The following CAPS2 variants were observed in gnomAD, a reference collection of about 807,000 sequenced individuals.
The protein encoded by CAPS2 is calcyphosin-2.
A neutral mutation model predicts 86.5 loss-of-function variants in CAPS2; 98 were observed. That is an observed-to-expected ratio of 1.13 (90% CI 0.96 to 1.34). CAPS2 has a LOEUF of 1.34. Ranked by LOEUF, CAPS2 falls within the 40% of genes most tolerant of loss-of-function variation. CAPS2 has a pLI of 0.00. For synonymous variants in CAPS2, 210 were observed against 225.1 expected (o/e 0.93, Z 0.60); for missense variants, 729 against 686.8 (o/e 1.06, Z -0.69).
At chr12:75,341,566 C>A (rs2042112684) in intron 1 of CAPS2, among the ~76,000 whole-genome samples, 1 of 151,952 alleles carries the variant, frequency 6.6e-6, no homozygotes. Context: ...CCTGCCTCAG[C>A]CTCCGGAGTA....
chr12:75,337,008 A>G (rs2041780075), intron 1 of CAPS2, among the ~76,000 whole-genome samples: 1 of 151,852 alleles, frequency 6.6e-6, no homozygotes, highest in Non-Finnish European at 1.5e-5. Context: ...TAAATGGTCC[A>G]TAAGTTAAAG....
At chr12:75,382,369 G>A (rs2045044882) in intron 1 of CAPS2, among the ~76,000 whole-genome samples, 1 of 152,142 alleles carries the variant, frequency 6.6e-6, no homozygotes, top group Non-Finnish European at 1.5e-5. Flanking sequence ...ACCAGGCATG[G>A]TGGCTCACGC....
intron 4 of CAPS2, among the ~76,000 whole-genome samples, chr12:75,322,281 G>A (rs190293283): frequency 6.6e-5 from 10 of 152,138 alleles, no homozygotes; most frequent in Admixed American, 5.9e-4. Context: ...GTGGATAAGA[G>A]AAACCTAAAA....
chr12:75,346,239 T>C (rs932843229), intron 1 of CAPS2, among the ~76,000 whole-genome samples: 1 of 152,162 alleles, frequency 6.6e-6, no homozygotes, highest in Non-Finnish European at 1.5e-5. Context: ...AATATATATA[T>C]TTTAGTTGTA....
chr12:75,351,630 T>C (rs1419026291), intron 1 of CAPS2, among the ~76,000 whole-genome samples: 1 of 150,776 alleles, frequency 6.6e-6, no homozygotes, highest in Non-Finnish European at 1.5e-5. Context: ...TACTACCACC[T>C]CCACCTCCCA....
chr12:75,313,104 T>G (rs1365896441), intron 6 of CAPS2, among the ~76,000 whole-genome samples, 189 bp from the exon 7 acceptor site: 2 of 152,262 alleles, frequency 1.3e-5, no homozygotes, highest in African/African-American at 4.8e-5. Context: ...TCATTTAATC[T>G]ACAAATATCA....
intron 7 of CAPS2, chr12:75,306,248 G>C: frequency 1.6e-6 from 1 of 642,454 alleles, no homozygotes; most frequent in Non-Finnish European, 2.8e-6. Flanking sequence ...GCAAATCATG[G>C]AGTTCCTGGC....
chr12:75,296,825 C>G (rs376755391), intron 11 of CAPS2, among the ~76,000 whole-genome samples: 4 of 152,128 alleles, frequency 2.6e-5, no homozygotes, highest in African/African-American at 9.6e-5. Context: ...AGATTGGGGG[C>G]AGGAACAAGA....
chr12:75,311,386 CT>C (rs2039148501), intron 7 of CAPS2, among the ~76,000 whole-genome samples: 1 of 151,910 alleles, frequency 6.6e-6, no homozygotes, highest in South Asian at 2.1e-4. Context: ...GATTTTAGGT[CT>C]TAGTAACATG....
At chr12:75,292,206 A>G (rs1194115984) in intron 12 of CAPS2, among the ~76,000 whole-genome samples, 1 of 152,032 alleles carries the variant, frequency 6.6e-6, no homozygotes, top group Non-Finnish European at 1.5e-5. Flanking sequence ...AGCTGGGACT[A>G]CAGGCACCTG....
intron 4 of CAPS2, chr12:75,322,831 G>A (rs1358532923): frequency 5.3e-6 from 3 of 569,552 alleles, no homozygotes; most frequent in Middle Eastern, 4.8e-4. Flanking sequence ...GCGACAAAAT[G>A]TAAAACAAGT....
intron 15 of CAPS2, among the ~76,000 whole-genome samples, chr12:75,282,872 A>C (rs1048178323): frequency 2.0e-5 from 3 of 152,166 alleles, no homozygotes; most frequent in African/African-American, 7.2e-5. Context: ...ACTCAATTAG[A>C]AAGTTCTACC....
intron 12 of CAPS2, among the ~76,000 whole-genome samples, 196 bp downstream of exon 12, chr12:75,293,053 T>C (rs1013582802): frequency 1.8e-4 from 27 of 152,242 alleles, no homozygotes; most frequent in African/African-American, 6.5e-4. Flanking sequence ...ATTTCATTGA[T>C]TATAACTGTT....
At chr12:75,335,870 C>T (rs2041699852) in intron 1 of CAPS2, among the ~76,000 whole-genome samples, 1 of 151,822 alleles carries the variant, frequency 6.6e-6, no homozygotes, top group Admixed American at 6.6e-5. Flanking sequence ...TTCAGAAATA[C>T]TAATATTAGT....
intron 8 of CAPS2, among the ~76,000 whole-genome samples, chr12:75,300,820 A>G (rs558443912): frequency 3.9e-5 from 6 of 152,118 alleles, no homozygotes; most frequent in Non-Finnish European, 8.8e-5. Flanking sequence ...TAACATCACT[A>G]AGCTACTGAA....
At chr12:75,373,803 G>C (rs1566026290) in intron 1 of CAPS2, 1 of 152,454 alleles carries the variant, frequency 6.6e-6, no homozygotes, top group African/African-American at 2.4e-5. Flanking sequence ...GGGGGCCATG[G>C]TCATTTGAGC....
chr12:75,361,795 C>T (rs570004303), intron 1 of CAPS2, among the ~76,000 whole-genome samples: 32 of 152,228 alleles, frequency 2.1e-4, no homozygotes, highest in African/African-American at 7.2e-4. Context: ...ATCCAATCAC[C>T]TCCCTCCCTA....
chr12:75,306,055 C>G, intron 7 of CAPS2: 1 of 1,466,306 alleles, frequency 6.8e-7, no homozygotes. Flanking sequence ...AGAGACAGCG[C>G]CGTCTAGAAC....
chr12:75,317,451 T>C (rs1161820931), intron 5 of CAPS2, among the ~76,000 whole-genome samples: 3 of 152,182 alleles, frequency 2.0e-5, no homozygotes, highest in Non-Finnish European at 4.4e-5. Context: ...TATATTTAAA[T>C]ATAAGCAAAG....
Sources: gnomAD v4.1 joint callset for allele counts (sites outside exome capture counted in the v4.1 genomes callset) on GRCh38, gnomAD v4.1.1 for gene constraint, MANE v1.5 for transcripts, NCBI Gene and HGNC (gene_info 2026-07-23, HGNC 2026-07-21) for gene names.